MBNL2: variants seen among roughly 807,000 people sequenced by gnomAD.
MBNL2 encodes the protein muscleblind-like protein 2.
Under a neutral mutation model 41.9 loss-of-function variants are expected in MBNL2, and 17 were observed. The ratio of observed to expected loss-of-function variants is 0.41; its 90% CI spans 0.28 to 0.61. The LOEUF is 0.61. MBNL2 is among the 20% of genes least tolerant of loss of function. MBNL2 has a pLI of 0.35. For synonymous variants in MBNL2, 195 were observed against 182.9 expected, an observed-to-expected ratio of 1.07 and a Z score of -0.53; for missense variants, 336 against 505.6, an observed-to-expected ratio of 0.66 and a Z score of 3.22.
chr13:97,352,980 A>G (rs1265255870), intron 5 of MBNL2, among the ~76,000 whole-genome samples: 1 of 152,216 alleles, frequency 6.6e-6, no homozygotes, highest in East Asian at 1.9e-4. Context: ...GAAAATGGCC[A>G]TTTACACAAA....
At chr13:97,320,950 C>T (rs546875248) in intron 2 of MBNL2, among the ~76,000 whole-genome samples, 1 of 152,218 alleles carries the variant, frequency 6.6e-6, no homozygotes, top group African/African-American at 2.4e-5. Context: ...CCCTGTGTCT[C>T]TTTCACATCG....
At chr13:97,337,001 G>A (rs558675730) in intron 3 of MBNL2, among the ~76,000 whole-genome samples, 35 of 152,098 alleles carry the variant, frequency 2.3e-4, no homozygotes, top group South Asian at 4.2e-4. Context: ...CCAAACCAAC[G>A]GTCACTTTTT....
chr13:97,295,860 G>T (rs540671373), intron 2 of MBNL2, among the ~76,000 whole-genome samples: 15 of 152,188 alleles, frequency 9.9e-5, no homozygotes, highest in South Asian at 2.1e-4. Context: ...AGCATTTAAG[G>T]TATAGAACAA....
At chr13:97,158,593 G>A in the MBNL2 span, among the ~76,000 whole-genome samples, 1 of 150,916 alleles carries the variant, frequency 6.6e-6, no homozygotes, top group African/African-American at 2.4e-5. Context: ...CTGGTATGTT[G>A]TGTCTTTGTT....
the MBNL2 span, among the ~76,000 whole-genome samples, chr13:97,157,218 TGC>T: frequency 7.0e-6 from 1 of 142,938 alleles, no homozygotes; most frequent in Non-Finnish European, 1.5e-5. Flanking sequence ...TGTATAGGAA[TGC>T]TTGTGATTTT....
At chr13:97,276,540 G>A in intron 2 of MBNL2, 131 bp downstream of exon 2, 2 of 879,794 alleles carry the variant, frequency 2.3e-6, no homozygotes. Context: ...GTGACTGTTG[G>A]GAGATTTTTC....
At chr13:97,327,729 A>G (rs1444408695) in intron 2 of MBNL2, among the ~76,000 whole-genome samples, 3 of 152,216 alleles carry the variant, frequency 2.0e-5, no homozygotes, top group Admixed American at 2.0e-4. Flanking sequence ...AAAGAAAAAC[A>G]GATCTGAGGC....
chr13:97,163,305 A>G, the MBNL2 span, among the ~76,000 whole-genome samples: 10 of 152,162 alleles, frequency 6.6e-5, no homozygotes, highest in South Asian at 2.1e-4. Flanking sequence ...TAAACAATAA[A>G]ATAAGCAGTC....
intron 8 of MBNL2, among the ~76,000 whole-genome samples, chr13:97,376,012 C>G (rs1213125175): frequency 1.3e-4 from 20 of 152,036 alleles, no homozygotes; most frequent in Admixed American, 1.2e-3. Flanking sequence ...AGGATGAGAA[C>G]AGGACAGGAC....
intron 2 of MBNL2, among the ~76,000 whole-genome samples, chr13:97,280,160 GC>G (rs1421215393): frequency 6.6e-6 from 1 of 152,124 alleles, no homozygotes; most frequent in Non-Finnish European, 1.5e-5. Flanking sequence ...TGTCTCTGAT[GC>G]TTTTACGATC....
the MBNL2 span, among the ~76,000 whole-genome samples, chr13:97,171,854 C>G: frequency 2.8e-4 from 42 of 152,170 alleles, no homozygotes; most frequent in African/African-American, 9.4e-4. Context: ...CTCATGGTAG[C>G]GAATAAGTCA....
chr13:97,239,203 C>T (rs1267133891), intron 1 of MBNL2, among the ~76,000 whole-genome samples: 2 of 152,234 alleles, frequency 1.3e-5, no homozygotes, highest in Non-Finnish European at 2.9e-5. Context: ...CTTTTCCCTT[C>T]ATACTACAGG....
At chr13:97,263,807 G>A (rs963790090) in intron 1 of MBNL2, among the ~76,000 whole-genome samples, 40 of 151,870 alleles carry the variant, frequency 2.6e-4, no homozygotes, top group African/African-American at 9.7e-4. Context: ...TAGTAGAGAC[G>A]GGATTTCATC....
the MBNL2 span, among the ~76,000 whole-genome samples, chr13:97,214,989 T>C: frequency 3.3e-5 from 5 of 152,250 alleles, no homozygotes; most frequent in African/African-American, 1.2e-4. Flanking sequence ...CCATCAACTG[T>C]GGGCAGATCA....
intron 2 of MBNL2, among the ~76,000 whole-genome samples, chr13:97,313,952 G>A (rs1460529207): frequency 6.6e-6 from 1 of 152,144 alleles, no homozygotes; most frequent in Non-Finnish European, 1.5e-5. Context: ...TATTAAAGTT[G>A]CTAATACATT....
chr13:97,193,715 G>A, the MBNL2 span, among the ~76,000 whole-genome samples: 1 of 152,280 alleles, frequency 6.6e-6, no homozygotes, highest in East Asian at 1.9e-4. Context: ...GCAGTTGTCT[G>A]GAAAGGAAAC....
At chr13:97,313,810 C>T (rs1034326631) in intron 2 of MBNL2, among the ~76,000 whole-genome samples, 3 of 152,188 alleles carry the variant, frequency 2.0e-5, no homozygotes, top group African/African-American at 7.2e-5. Flanking sequence ...GGGCTTCTTA[C>T]ATGTAAGCCC....
chr13:97,142,868 T>C, the MBNL2 span, among the ~76,000 whole-genome samples: 1 of 152,222 alleles, frequency 6.6e-6, no homozygotes, highest in South Asian at 2.1e-4. Context: ...GACTTTTTTT[T>C]AGTTTGCCTT....
intron 1 of MBNL2, among the ~76,000 whole-genome samples, chr13:97,241,842 A>G (rs574667189): frequency 2.0e-5 from 3 of 152,276 alleles, no homozygotes; most frequent in South Asian, 2.1e-4. Flanking sequence ...TCTGACTCCA[A>G]TTGGAGTGGG....
Sources: gnomAD v4.1 joint callset for allele counts (sites outside exome capture counted in the v4.1 genomes callset) on GRCh38, gnomAD v4.1.1 for gene constraint, MANE v1.5 for transcripts, NCBI Gene and HGNC (gene_info 2026-07-23, HGNC 2026-07-21) for gene names.